The following ATM variants were observed in gnomAD, a reference collection of about 807,000 sequenced individuals.
The protein encoded by ATM is ATM serine/threonine kinase.
ATM carries 308 observed loss-of-function variants against 387.0 expected under a neutral mutation model. The observed-to-expected ratio is 0.80, with a 90% CI of 0.73 to 0.87. The LOEUF (loss-of-function observed/expected upper bound fraction) is 0.87, where lower values mean the gene tolerates loss of function less well. Ranked by LOEUF, ATM falls within the 40% of genes least tolerant of loss-of-function variation. ATM has a pLI of 0.00. For synonymous variants in ATM, 1,156 were observed against 1,187.3 expected (o/e 0.97, Z 0.54); for missense variants, 3,312 against 3,560.9 (o/e 0.93, Z 1.78).
At chr11:108,264,306 G>A (rs2081083682) in intron 16 of ATM, among the ~76,000 whole-genome samples, 1 of 152,058 alleles carries the variant, frequency 6.6e-6, no homozygotes, top group African/African-American at 2.4e-5. Context: ...CTTCATCCCT[G>A]GGATGCCAGG....
chr11:108,247,343 T>A (rs993565704), intron 8 of ATM, among the ~76,000 whole-genome samples: 2 of 152,192 alleles, frequency 1.3e-5, no homozygotes, highest in Admixed American at 6.5e-5. Context: ...AACAATGAAC[T>A]TTTTCATTCT....
At chr11:108,325,109 A>G (rs2085514838) in intron 45 of ATM, among the ~76,000 whole-genome samples, 1 of 152,168 alleles carries the variant, frequency 6.6e-6, no homozygotes, top group Non-Finnish European at 1.5e-5. Context: ...AATAACTCTT[A>G]AGAGCTCTGA....
intron 5 of ATM, 184 bp downstream of exon 5, chr11:108,236,018 A>C (rs949284297): frequency 2.8e-5 from 18 of 644,446 alleles, no homozygotes; most frequent in Admixed American, 5.5e-5. Flanking sequence ...TTTTGAATAA[A>C]GTCATGAATA....
rs764102178 is a variant in ATM, at chr11:108,279,515, T to G, written c.3309T>G (p.Asp1103Glu). Residue 1103 changes from aspartate to glutamate, a missense_variant, in exon 23 of 63, where the codon GAT (aspartate) becomes GAG (glutamate). Asp to Glu is a conservative substitution (Grantham distance 45). Around this residue, in one of 4 missense-constraint regions of ATM, gnomAD observed 1,791 missense variants for 1,804.5 expected, o/e 0.99. Transcript: ENST00000675843. ...GATTGTTCCAGGACACGAAGGGAGA[T>G]TCTTCCAGGTTACTGAAAGCACTTC... The part of the protein sequence containing the change: ...INRLFQDTKG[D>E]SSRLLKALPL... 1.9e-6 allele frequency: 3 copies of G among 1,612,758 alleles called. No individual in the cohort carries two copies. Among genetic ancestry groups the G allele is most frequent in the South Asian group, 1.1e-5 (1 of 90,930 alleles).
intron 59 of ATM, among the ~76,000 whole-genome samples, chr11:108,349,599 G>T (rs1011908632): frequency 3.9e-5 from 6 of 152,130 alleles, no homozygotes; most frequent in African/African-American, 7.2e-5. Flanking sequence ...GGAAGCAGAG[G>T]TTGCAGTGAG....
chr11:108,283,038 A>T (rs1239100293), intron 25 of ATM, among the ~76,000 whole-genome samples, 159 bp downstream of exon 25: 1 of 152,226 alleles, frequency 6.6e-6, no homozygotes, highest in Admixed American at 6.5e-5. Context: ...TTTAATAAGA[A>T]TGTATTGAAG....
chr11:108,353,820 G>A lies in ATM; in HGVS notation c.8726G>A (p.Arg2909Lys), dbSNP rs759905760. The A allele has an allele frequency of 6.2e-7, 1 of 1,614,032 alleles. No individual in the cohort carries two copies. Among genetic ancestry groups the A allele is most frequent in the South Asian group, 1.1e-5 (1 of 91,072 alleles). The change falls in exon 60 of 63, where the codon AGA becomes AAA. Residue 2909 changes from arginine (R) to lysine (K), a missense_variant. Arg to Lys is a conservative substitution (Grantham distance 26). Transcript: ENST00000675843. ...ILPTPETVPF[R>K]LTRDIVDGMG... is the part of the protein sequence containing the mutation. ...CCTACTCCTGAGACAGTTCCTTTTA[G>A]ACTCACCAGAGATATTGTGGATGGC...
At chr11:108,324,425 C>CAGTCTT (rs1349103142) in intron 45 of ATM, among the ~76,000 whole-genome samples, 1 of 151,988 alleles carries the variant, frequency 6.6e-6, no homozygotes, top group Non-Finnish European at 1.5e-5. Flanking sequence ...AGATTTTTCT[C>CAGTCTT]AGTCTTTCTA....
At position 108,271,256 on chromosome 11, in the gene ATM, T is replaced by C. The variant is rs146145357; in HGVS notation, c.2927T>C (p.Val976Ala). Reference protein sequence around the residue: ...VLELLKPLSNVCSLYRRDQDV... With the variant: ...VLELLKPLSNACSLYRRDQDV... ...TTTTTTTTTTTTTACCACAGCAATG[T>C]GTGTTCTTTGTATCGTCGTGACCAA... Residue 976 changes from valine (V) to alanine (A), a missense_variant, in exon 20 of 63, where the codon GTG (valine) becomes GCG (alanine). By Grantham distance (64) the Val-to-Ala change is moderately conservative. Around this residue, in one of 4 missense-constraint regions of ATM, gnomAD observed 1,791 missense variants for 1,804.5 expected, o/e 0.99. Transcript: ENST00000675843. 39 of 1,613,844 alleles carry C rather than the reference T, an allele frequency of 2.4e-5. No homozygotes were observed. In the African/African-American group the frequency reaches 4.9e-4, roughly 20 times the overall value.
chr11:108,284,214 T>G lies in ATM; in HGVS notation c.3747-13T>G. 1 of 1,582,828 alleles carries G rather than the reference T, an allele frequency of 6.3e-7. No individual in the cohort carries two copies. The highest frequency in any genetic ancestry group is 8.6e-7 in the Non-Finnish European group (1 of 1,158,648). On this transcript the variant is annotated splice_polypyrimidine_tract_variant and intron_variant, in intron 25 of 62. Coordinates refer to ENST00000675843, the MANE Select transcript of ATM (RefSeq NM_000051.4). ...TTATATATAACCTGTATTTTAAATT[T>G]TTCTATTTTTAGATCTTGTTATAAG... is the stretch of plus-strand genomic sequence containing the variant.
At chr11:108,225,160 T>C (rs1183759039) in intron 1 of ATM, 4 of 152,198 alleles carry the variant, frequency 2.6e-5, no homozygotes, top group African/African-American at 4.8e-5. Context: ...TGCTAAGGTA[T>C]TTTCATTGGT....
rs1044060944 is a variant in ATM at position 108,244,769 on chromosome 11, C to T, written c.663-19C>T. 1 of 1,585,350 alleles carries T rather than the reference C, an allele frequency of 6.3e-7. No individual in the cohort carries two copies. The highest frequency in any genetic ancestry group is 8.7e-7 in the Non-Finnish European group (1 of 1,154,488). On this transcript the variant is annotated intron_variant, in intron 6 of 62. Transcript: ENST00000675843. ...GTTCCCCCTGTTATACCCAGTTGAGCTTGTTTGTTTCTTCACAGACAAGAA... is the reference window on the plus strand; with the variant it reads ...GTTCCCCCTGTTATACCCAGTTGAGTTTGTTTGTTTCTTCACAGACAAGAA...
At chr11:108,242,015 C>T (rs2079587634) in intron 5 of ATM, among the ~76,000 whole-genome samples, 1 of 151,854 alleles carries the variant, frequency 6.6e-6, no homozygotes, top group Non-Finnish European at 1.5e-5. Context: ...CCACCGTTCT[C>T]AGCTCCTCGA....
At chr11:108,244,207 C>G in intron 6 of ATM, 89 bp downstream of exon 6, 1 of 1,451,374 alleles carries the variant, frequency 6.9e-7, no homozygotes, top group East Asian at 2.3e-5. Context: ...AAAAATTCTA[C>G]CTTAAAATAA....
intron 49 of ATM, 151 bp downstream of exon 49, chr11:108,329,389 G>A: frequency 1.3e-6 from 1 of 741,684 alleles, no homozygotes; most frequent in Non-Finnish European, 2.2e-6. Flanking sequence ...TGGTCTTTTG[G>A]GTTCTTTTCG....
At chr11:108,276,742 G>C (rs201966996) in intron 22 of ATM, among the ~76,000 whole-genome samples, 18 of 152,092 alleles carry the variant, frequency 1.2e-4, no homozygotes, top group Admixed American at 1.1e-3. Flanking sequence ...GGGAAGGTTC[G>C]TCCCAGAGCG....
chr11:108,304,563 A>G lies in ATM; in HGVS notation c.5497-112A>G, dbSNP rs117138271. 253 of 1,082,132 alleles carry G rather than the reference A, an allele frequency of 2.3e-4. 1 individual carries two copies. The African/African-American group carries it at 3.2e-3, about 14-fold the overall frequency. 67.0% of individuals were successfully genotyped at this position (1,082,132 alleles called of 1,614,324 possible). On this transcript the variant is annotated intron_variant, in intron 36 of 62. Coordinates refer to ENST00000675843, the MANE Select transcript of ATM (RefSeq NM_000051.4). ...TGTTGAGTTTATGGCAGATTAATCT[A>G]TCATCTTTTAGAAATTTAATATGTC...
chr11:108,357,313 G>A (rs2137471161), intron 61 of ATM, among the ~76,000 whole-genome samples: 1 of 152,336 alleles, frequency 6.6e-6, no homozygotes, highest in Middle Eastern at 3.4e-3. Context: ...GAGTCTCGCT[G>A]ATTGCTAGCA....
intron 62 of ATM, 38 bp from the exon 63 acceptor site, chr11:108,365,287 T>C (rs2137897830): frequency 6.2e-7 from 1 of 1,614,216 alleles, no homozygotes; most frequent in Non-Finnish European, 8.5e-7. Context: ...GCCTTTAAAC[T>C]GTTCACCTCA....
Sources: allele counts gnomAD v4.1 joint callset (sites outside exome capture counted in the v4.1 genomes callset), GRCh38; gene constraint gnomAD v4.1.1; regional missense constraint gnomAD v4.1.1; transcripts MANE v1.5; gene names NCBI Gene and HGNC (gene_info 2026-07-23, HGNC 2026-07-21).